The following ZNF749 variants were observed in gnomAD, a reference collection of about 807,000 sequenced individuals.
ZNF749 encodes zinc finger protein 749.
Under a neutral mutation model 7.3 loss-of-function variants are expected in ZNF749, and 8 were observed. The ratio of observed to expected loss-of-function variants is 1.10; its 90% confidence interval spans 0.64 to 1.98. The LOEUF is 1.98. ZNF749 is among the 30% of genes most tolerant of loss of function. ZNF749 has a pLI of 0.00. For missense variants in ZNF749, 898 were observed against 932.4 expected (o/e 0.96, Z 0.48); for synonymous variants, 310 against 322.4 (o/e 0.96, Z 0.41).
upstream of ZNF749, among the ~76,000 whole-genome samples, chr19:57,431,195 A>AT (rs2088897477): frequency 6.6e-6 from 1 of 152,196 alleles, no homozygotes; most frequent in South Asian, 2.1e-4. Flanking sequence ...TACTGAAACA[A>AT]TTTTTTATTC....
chr19:57,434,866 C>G (rs1029614485), upstream of ZNF749, among the ~76,000 whole-genome samples: 2 of 152,190 alleles, frequency 1.3e-5, no homozygotes, highest in African/African-American at 4.8e-5. Flanking sequence ...TTGACAAGCA[C>G]AAAAGAGCTG....
chr19:57,428,598 CTTGGCTA>C, the ZNF749 span: 1 of 152,016 alleles, frequency 6.6e-6, no homozygotes, highest in Non-Finnish European at 1.5e-5. Context: ...CACCACCACA[CTTGGCTA>C]CTGTTATTAT....
At position 57,444,698 on chromosome 19, in the gene ZNF749, C is replaced by T. The variant is rs541604590; in HGVS notation, c.1550C>T (p.Ala517Val). 28 of 1,570,870 alleles carry T rather than the reference C, an allele frequency of 1.8e-5. No homozygotes were observed. Among genetic ancestry groups the T allele is most frequent in the South Asian group, 1.1e-4 (10 of 88,092 alleles). The change falls in exon 3 of 3, where the codon GCG (alanine) becomes GTG (valine). Residue 517 changes from alanine (A) to valine (V), a missense_variant. By Grantham distance (64) the Ala-to-Val change is moderately conservative (BLOSUM62 0). Transcript: ENST00000334181. ...CGGCCTTATGAATGCACTCAATGTG[C>T]GAAGGCCTTTGTTAGAAAGTCCCAC... The part of the protein sequence containing the change: ...GERPYECTQC[A>V]KAFVRKSHLV...
At chr19:57,429,322 A>G in the ZNF749 span, among the ~76,000 whole-genome samples, 5 of 152,198 alleles carry the variant, frequency 3.3e-5, no homozygotes, top group African/African-American at 1.2e-4. This position sits in a 1 kb window ranked among gnomAD's most constrained non-coding sequence, Gnocchi z 4.2. Flanking sequence ...CACTGCACCC[A>G]GCCACATCAA....
Position 57,445,241 on chromosome 19 carries a change from G to T in ZNF749, c.2093G>T (p.Cys698Phe), listed in dbSNP as rs1361261389. The change falls in exon 3 of 3, where the codon TGC (cysteine) becomes TTC (phenylalanine). Residue 698 changes from cysteine to phenylalanine, a missense_variant. By Grantham distance (205) the Cys-to-Phe change is radical. Coordinates refer to ENST00000334181, the MANE Select transcript of ZNF749 (RefSeq NM_001023561.4). ...KVCTGEKPHE[C>F]SKCRELFRTK... ...TGCACTGGGGAGAAGCCTCATGAGTGCAGTAAATGTAGGGAATTGTTTAGG... is the reference window on the plus strand; with the variant it reads ...TGCACTGGGGAGAAGCCTCATGAGTTCAGTAAATGTAGGGAATTGTTTAGG... 6.2e-7 allele frequency: 1 copy of T among 1,613,990 alleles called. No individual in the cohort carries two copies. The highest frequency in any genetic ancestry group is 1.1e-5 in the South Asian group (1 of 91,082).
In ZNF749 at chr19:57,436,643, C is replaced by T. The variant is rs1208711902; in HGVS notation, c.15+1050C>T. ...CACTCTTTAGGGAACAAGATAAGGC[C>T]ATGCAGCAACTGGGTCCAAAACTGG... On this transcript the variant is annotated intron_variant, in intron 1 of 2. Transcript: ENST00000334181. The surrounding 1 kb of genome is among the most constrained non-coding windows in gnomAD (Gnocchi z 4.0). Among the ~76,000 whole-genome samples, 1 of 152,208 alleles carries T rather than the reference C, an allele frequency of 6.6e-6. No homozygotes were observed. Among genetic ancestry groups the T allele is most frequent in the Non-Finnish European group, 1.5e-5 (1 of 68,036 alleles).
upstream of ZNF749, among the ~76,000 whole-genome samples, chr19:57,434,830 T>A (rs2088918054): frequency 6.6e-6 from 1 of 152,090 alleles, no homozygotes; most frequent in Non-Finnish European, 1.5e-5. Context: ...CAAAAAAAAG[T>A]CTCCAGAGCC....
chr19:57,432,342 G>A (rs1238629523), upstream of ZNF749, among the ~76,000 whole-genome samples: 6 of 150,710 alleles, frequency 4.0e-5, no homozygotes, highest in Non-Finnish European at 8.9e-5. Context: ...TTGGGCGTCT[G>A]AGGCAGGCAG....
intron 2 of ZNF749, among the ~76,000 whole-genome samples, 177 bp from the exon 3 acceptor site, chr19:57,443,114 A>T (rs151105211): frequency 6.6e-6 from 1 of 151,988 alleles, no homozygotes; most frequent in Non-Finnish European, 1.5e-5. Flanking sequence ...TTCCCCCACT[A>T]CACACACTTC....
At position 57,444,056 on chromosome 19, in the gene ZNF749, G is replaced by A. The variant is rs1408441121; in HGVS notation, c.908G>A (p.Cys303Tyr). 1 of 1,613,870 alleles carries A rather than the reference G, an allele frequency of 6.2e-7. No individual in the cohort carries two copies. The highest frequency in any genetic ancestry group is 8.5e-7 in the Non-Finnish European group (1 of 1,179,908). The change falls in exon 3 of 3, where the codon TGT becomes TAT. Residue 303 changes from cysteine (C) to tyrosine (Y), a missense_variant. Transcript: ENST00000334181. ...CCAACACCTTATGAATGCACCCAGT[G>A]TGGGAAGGCCTTTCTTACACAGGCT... The part of the protein sequence containing the change: ...SRPTPYECTQ[C>Y]GKAFLTQAHL...
At chr19:57,430,245 T>C in the ZNF749 span, among the ~76,000 whole-genome samples, 10 of 152,272 alleles carry the variant, frequency 6.6e-5, no homozygotes, top group African/African-American at 2.2e-4. Flanking sequence ...TAGCATCTGG[T>C]GAGGGCCTTC....
rs1034993972 is a variant in ZNF749 at position 57,441,823 on chromosome 19, C to G, written c.16-62C>G. 8 of 1,593,000 alleles carry G rather than the reference C, an allele frequency of 5.0e-6. No individual in the cohort carries two copies. In the Admixed American group the frequency reaches 7.0e-5, roughly 14 times the overall value. On this transcript the variant is annotated intron_variant, in intron 1 of 2. Transcript: ENST00000334181. ...TTCTTAGATTTTAAGTAGATAAATA[C>G]AGATCTAAGGAAACACAGAATAAGA...
Position 57,445,056 on chromosome 19 carries a change from A to C in ZNF749, c.1908A>C (p.Gly636=). ...GTAGACATCAGAAAGTTCACACTGGAGAAAGACCTTATGAGTGTAGTGAAT... is the reference window on the plus strand; with the variant it reads ...GTAGACATCAGAAAGTTCACACTGGCGAAAGACCTTATGAGTGTAGTGAAT... ...TLSRHQKVHT[G]ERPYECSECG... is the part of the protein sequence containing the mutation. Residue 636 remains glycine, a synonymous_variant, in exon 3 of 3, where the codon GGA becomes GGC. Coordinates refer to ENST00000334181, the MANE Select transcript of ZNF749 (RefSeq NM_001023561.4). The C allele has an allele frequency of 1.2e-6, 2 of 1,614,060 alleles. No homozygotes were observed. Among genetic ancestry groups the C allele is most frequent in the Non-Finnish European group, 1.7e-6 (2 of 1,179,998 alleles).
In ZNF749 at chr19:57,446,655, G is replaced by A. The variant is rs2089068934; in HGVS notation, c.*1170G>A. Among the ~76,000 whole-genome samples, 1 of 152,078 alleles carries A rather than the reference G, an allele frequency of 6.6e-6. No individual in the cohort carries two copies. Among genetic ancestry groups the A allele is most frequent in the Admixed American group, 6.6e-5 (1 of 15,246 alleles). ...TGTAGTCATGTGTCGCCTAACAAGA[G>A]GACTGTGTTCTGAGTAATCATCTTA... is the stretch of plus-strand genomic sequence containing the variant. On this transcript the variant is annotated 3_prime_UTR_variant, in exon 3 of 3. Transcript: ENST00000334181.
Position 57,443,627 on chromosome 19 carries a change from A to G in ZNF749, c.479A>G (p.Asp160Gly). 6.2e-7 allele frequency: 1 copy of G among 1,614,186 alleles called. No individual in the cohort carries two copies. Among genetic ancestry groups the G allele is most frequent in the Non-Finnish European group, 8.5e-7 (1 of 1,180,044 alleles). The change falls in exon 3 of 3, where the codon GAT becomes GGT. Residue 160 changes from aspartate to glycine, a missense_variant. Asp to Gly is a moderately conservative substitution (Grantham distance 94). Transcript: ENST00000334181. ...TTCACATGCACGCAGGGTGGCAAGG[A>G]TTTTACTGCCAGCTCAGACCTTCTC... is the stretch of plus-strand genomic sequence containing the variant. The part of the protein sequence containing the change: ...RNFTCTQGGK[D>G]FTASSDLLQQ...
chr19:57,435,328 T>C lies in ZNF749; in HGVS notation c.-251T>C. 1 of 605,500 alleles carries C rather than the reference T, an allele frequency of 1.7e-6. No individual in the cohort carries two copies. The highest frequency in any genetic ancestry group is 2.9e-6 in the Non-Finnish European group (1 of 341,674). The allele number at this position is 605,500 out of a possible 1,614,324, so 37.5% of individuals were successfully genotyped here. A position where few individuals can be genotyped will look rare whatever the true frequency, so the allele number is the denominator to read the frequency against. ...AGGTCTCAATTGTGTGGGCGGGACT[T>C]CTGGCGGCGCCCTCATGGTTGCGTT... is the stretch of plus-strand genomic sequence containing the variant. On this transcript the variant is annotated 5_prime_UTR_variant, in exon 1 of 3. Transcript: ENST00000334181.
Position 57,443,344 on chromosome 19 carries a change from G to C in ZNF749, c.196G>C (p.Val66Leu), listed in dbSNP as rs1358790344. ...GGTACCTTCCAAGCAGTGTGTTTCT[G>C]TAAGAGTGTTACAGGTCACAATTCC... Reference protein sequence around the residue: ...EEVPSKQCVSVRVLQVTIPKP... With the variant: ...EEVPSKQCVSLRVLQVTIPKP... Residue 66 changes from valine to leucine, a missense_variant, in exon 3 of 3, where the codon GTA (valine) becomes CTA (leucine). Physicochemically the swap from Val to Leu is conservative, Grantham distance 32 (BLOSUM62 1). Coordinates refer to ENST00000334181, the MANE Select transcript of ZNF749 (RefSeq NM_001023561.4). The C allele has an allele frequency of 6.2e-7, 1 of 1,614,010 alleles. No individual in the cohort carries two copies. Among genetic ancestry groups the C allele is most frequent in the Admixed American group, 1.7e-5 (1 of 60,018 alleles).
chr19:57,439,008 C>G lies in ZNF749; in HGVS notation c.16-2877C>G, dbSNP rs34759950. On this transcript the variant is annotated intron_variant, in intron 1 of 2. Coordinates refer to ENST00000334181, the MANE Select transcript of ZNF749 (RefSeq NM_001023561.4). This position sits in a 1 kb window ranked among gnomAD's most constrained non-coding sequence, Gnocchi z 4.3. ...TTGGGGCATACAGGGCATGCGGGATCGGCATGGAATGGCAGTCTAAGGTTC... is the reference window on the plus strand; with the variant it reads ...TTGGGGCATACAGGGCATGCGGGATGGGCATGGAATGGCAGTCTAAGGTTC... Among the ~76,000 whole-genome samples the G allele has an allele frequency of 0.1, 15,236 of 152,156 alleles. 880 individuals are homozygous for G. The highest frequency in any genetic ancestry group is 0.15 in the South Asian group (739 of 4,824).
rs1289213244 is a variant in ZNF749 at position 57,442,120 on chromosome 19, C to T, written c.142+109C>T. 1 of 1,428,942 alleles carries T rather than the reference C, an allele frequency of 7.0e-7. No individual in the cohort carries two copies. The highest frequency in any genetic ancestry group is 1.4e-5 in the African/African-American group (1 of 70,086). 88.5% of individuals were successfully genotyped at this position (1,428,942 alleles called of 1,614,324 possible). On this transcript the variant is annotated intron_variant, in intron 2 of 2. Coordinates refer to ENST00000334181, the MANE Select transcript of ZNF749 (RefSeq NM_001023561.4). This position sits in a 1 kb window ranked among gnomAD's most constrained non-coding sequence, Gnocchi z 6.6. ...CCAGATTGTGAGTGCTACGTCCTGTCCTCTCCTGGTTTCCTGGCAAATGTG... is the reference window on the plus strand; with the variant it reads ...CCAGATTGTGAGTGCTACGTCCTGTTCTCTCCTGGTTTCCTGGCAAATGTG...
Sources: allele counts gnomAD v4.1 joint callset (sites outside exome capture counted in the v4.1 genomes callset), GRCh38; gene constraint gnomAD v4.1.1; non-coding constraint Gnocchi (gnomAD v3.1); transcripts MANE v1.5; gene names NCBI Gene and HGNC (gene_info 2026-07-23, HGNC 2026-07-21).